Variants in CYP27C1 observed in about 807,000 individuals in gnomAD.
CYP27C1 encodes cytochrome P450 27C1.
In CYP27C1, 29 loss-of-function variants were observed where a neutral mutation model predicts 40.6. The observed-to-expected ratio is 0.71, with a 90% CI of 0.53 to 0.97. The LOEUF (loss-of-function observed/expected upper bound fraction) is 0.97. Ranked by LOEUF, CYP27C1 falls within the 50% of genes least tolerant of loss-of-function variation. The probability of loss-of-function intolerance (pLI) is 0.00; values close to 1 mark genes in which losing one functional copy is unlikely to be tolerated. For synonymous variants in CYP27C1, 198 were observed against 186.8 expected, an observed-to-expected ratio of 1.06 and a Z score of -0.49; for missense variants, 390 against 485.8, an observed-to-expected ratio of 0.80 and a Z score of 1.85.
rs1302196405 is a variant in CYP27C1 at position 127,183,873 on chromosome 2, C to T, written c.*3398G>A. 6.6e-6 allele frequency among the ~76,000 whole-genome samples: 1 copy of T among 152,180 alleles called. No individual in the cohort carries two copies. Among genetic ancestry groups the T allele is most frequent in the Non-Finnish European group, 1.5e-5 (1 of 68,036 alleles). ...ATCTTTTATTACGGAAATGTTCACA[C>T]GTACACAAAGTAGAGAGCATAATGT... On this transcript the variant is annotated 3_prime_UTR_variant, in exon 9 of 9. Transcript: ENST00000664447. The surrounding 1 kb of genome is among the most constrained non-coding windows in gnomAD (Gnocchi z 5.1).
In CYP27C1 at chr2:127,218,059, G is replaced by T. The variant is rs1281735934; in HGVS notation, c.282+1930C>A. Among the ~76,000 whole-genome samples, 3 of 152,186 alleles carry T rather than the reference G, an allele frequency of 2.0e-5. No homozygotes were observed. Among genetic ancestry groups the T allele is most frequent in the Non-Finnish European group, 4.4e-5 (3 of 68,038 alleles). ...TGAGAAGGCAGCAAGTGAGTCAGTT[G>T]TGACTCTCTGCTCCGTGCCCCAGGG... On this transcript the variant is annotated intron_variant, in intron 1 of 8. Transcript: ENST00000664447. This position sits in a 1 kb window ranked among gnomAD's most constrained non-coding sequence, Gnocchi z 6.0.
At chr2:127,206,172 G>A (rs1353300332) in intron 1 of CYP27C1, among the ~76,000 whole-genome samples, 82 bp from the exon 2 acceptor site, 1 of 152,358 alleles carries the variant, frequency 6.6e-6, no homozygotes, top group Non-Finnish European at 1.5e-5. Flanking sequence ...GTGTGCTAGA[G>A]GAGCAGAAAA....
At position 127,201,342 on chromosome 2, in the gene CYP27C1, AAG is replaced by A. The variant is rs1558929550; in HGVS notation, c.674-13_674-12del. On this transcript the variant is annotated splice_polypyrimidine_tract_variant and intron_variant, in intron 3 of 8. Coordinates refer to ENST00000664447, the MANE Select transcript of CYP27C1 (RefSeq NM_001367502.1). This position sits in a 1 kb window ranked among gnomAD's most constrained non-coding sequence, Gnocchi z 6.0. ...GGATGGTGGCCACTCCTAGACAGGA[AAG>A]AGAATTTGAAAACCCTCTTCTAGAT... 6.2e-7 allele frequency: 1 copy of A among 1,607,768 alleles called. No homozygotes were observed. Among genetic ancestry groups the A allele is most frequent in the East Asian group, 2.2e-5 (1 of 44,748 alleles).
chr2:127,204,555 G>GAGAAAGAAAGAAAGAA (rs1169099297), intron 2 of CYP27C1, among the ~76,000 whole-genome samples: 42 of 39,166 alleles, frequency 1.1e-3, no homozygotes, highest in South Asian at 4.4e-3. Context: ...GAGAGAGAGA[G>GAGAAAGAAAGAAAGAA]AGAAAGAAAG....
At chr2:127,192,629 G>GC (rs1278603710) in intron 8 of CYP27C1, among the ~76,000 whole-genome samples, 1 of 141,466 alleles carries the variant, frequency 7.1e-6, no homozygotes, top group Admixed American at 7.5e-5. Flanking sequence ...CGGGGGGGGG[G>GC]GCTGCTGCTG....
In CYP27C1 at chr2:127,193,134, C is replaced by T. The variant is rs771424479; in HGVS notation, c.1457G>A (p.Arg486Gln). ...FGHGVRSCIG[R>Q]RIAELEIHLV... Reference sequence around the variant, plus strand: ...GTGAATCTCCAGTTCTGCAATTCTCCGCCCTATGCAGCTGCGAACCCCATG... The same window carrying T: ...GTGAATCTCCAGTTCTGCAATTCTCTGCCCTATGCAGCTGCGAACCCCATG... Residue 486 changes from arginine to glutamine, a missense_variant, in exon 8 of 9, where the codon CGG becomes CAG. Arg to Gln is a conservative substitution (Grantham distance 43). Transcript: ENST00000664447. 8.7e-6 allele frequency: 14 copies of T among 1,614,062 alleles called. No individual in the cohort carries two copies. The East Asian group carries it at 1.3e-4, about 15-fold the overall frequency.
At position 127,196,518 on chromosome 2, in the gene CYP27C1, G is replaced by A. The variant is rs143270770; in HGVS notation, c.1048-1017C>T. Among the ~76,000 whole-genome samples the A allele has an allele frequency of 1.0e-3, 140 of 134,622 alleles. 1 individual carries two copies. In the East Asian group the frequency reaches 0.028, roughly 27 times the overall value. 88.3% of individuals were successfully genotyped at this position (134,622 alleles called of 152,430 possible). A position where few individuals can be genotyped will look rare whatever the true frequency, so the allele number is the denominator to read the frequency against. The stretch of plus-strand genomic sequence containing the variant: ...AACAAGGAAATGCCACAGTATAAAG[G>A]CCTTTCTCTTTCACCAAAAAAAAAA... On this transcript the variant is annotated intron_variant, in intron 5 of 8. Transcript: ENST00000664447. This position sits in a 1 kb window ranked among gnomAD's most constrained non-coding sequence, Gnocchi z 4.5.
In CYP27C1 at chr2:127,204,485, A is replaced by AAAGG. The variant is rs369842924; in HGVS notation, c.474-918_474-915dup. 9.8e-4 allele frequency among the ~76,000 whole-genome samples: 59 copies of AAAGG among 60,210 alleles called. 5 individuals are homozygous for AAAGG. Among genetic ancestry groups the AAAGG allele is most frequent in the Admixed American group, 1.4e-3 (6 of 4,332 alleles). 39.5% of individuals were successfully genotyped at this position (60,210 alleles called of 152,430 possible). A position where few individuals can be genotyped will look rare whatever the true frequency, so the allele number is the denominator to read the frequency against. On this transcript the variant is annotated intron_variant, in intron 2 of 8. Transcript: ENST00000664447. ...GAAAGAAAGAAAGAAAGAAAGAAAG[A>AAAGG]AAGGAAGGAAGGAAGGAAGGAAAGA...
chr2:127,217,469 T>C (rs1472841250), intron 1 of CYP27C1, among the ~76,000 whole-genome samples: 1 of 152,176 alleles, frequency 6.6e-6, no homozygotes, highest in Non-Finnish European at 1.5e-5. Context: ...TCATAACCCA[T>C]GAGAGGAATG....
At chr2:127,213,635 C>G (rs1231556105) in intron 1 of CYP27C1, among the ~76,000 whole-genome samples, 4 of 152,114 alleles carry the variant, frequency 2.6e-5, no homozygotes, top group Admixed American at 2.6e-4. Context: ...GAAACTGGAC[C>G]CCTTCCTTAC....
At chr2:127,193,667 A>G (rs1260991046) in intron 7 of CYP27C1, 122 bp downstream of exon 7, 62 of 1,049,244 alleles carry the variant, frequency 5.9e-5, no homozygotes, top group Non-Finnish European at 6.7e-5. Context: ...CTTAAAATAC[A>G]TGCAAAAGAA....
Position 127,211,369 on chromosome 2 carries a change from G to GTTTTT in CYP27C1, c.283-5284_283-5280dup, listed in dbSNP as rs371826841. 6.8e-4 allele frequency among the ~76,000 whole-genome samples: 65 copies of GTTTTT among 94,944 alleles called. 1 individual carries two copies. Among genetic ancestry groups the GTTTTT allele is most frequent in the African/African-American group, 9.0e-4 (21 of 23,296 alleles). The allele number at this position is 94,944 out of a possible 152,430, so 62.3% of individuals were successfully genotyped here. A position where few individuals can be genotyped will look rare whatever the true frequency, so the allele number is the denominator to read the frequency against. On this transcript the variant is annotated intron_variant, in intron 1 of 8. Transcript: ENST00000664447. ...GATACAGCTAAAGCAGTGTTTTTTT[G>GTTTTT]TTTTTTTTTTTTTTTTTTTTTTTTT...
intron 1 of CYP27C1, among the ~76,000 whole-genome samples, chr2:127,217,240 A>G (rs896711626): frequency 6.6e-6 from 1 of 152,324 alleles, no homozygotes; most frequent in East Asian, 1.9e-4. Context: ...TGTTAAGAGC[A>G]CAGACTCTGG....
At chr2:127,214,801 GTTT>G (rs70985439) in intron 1 of CYP27C1, among the ~76,000 whole-genome samples, 1 of 117,054 alleles carries the variant, frequency 8.5e-6, no homozygotes, top group Non-Finnish European at 1.7e-5. Context: ...TTTTTTTTTG[GTTT>G]TTTTTTTTTT....
intron 2 of CYP27C1, among the ~76,000 whole-genome samples, chr2:127,205,167 AACATCCAG>A (rs1683198147): frequency 3.9e-5 from 6 of 152,250 alleles, no homozygotes; most frequent in Admixed American, 3.9e-4. Context: ...TCTAGGCCTG[AACATCCAG>A]GAGGAGCTGT....
At chr2:127,211,468 C>T (rs1334471232) in intron 1 of CYP27C1, among the ~76,000 whole-genome samples, 3 of 149,408 alleles carry the variant, frequency 2.0e-5, no homozygotes, top group Non-Finnish European at 4.4e-5. Context: ...CTGCAAGCTC[C>T]GCCTCCCGGG....
intron 2 of CYP27C1, among the ~76,000 whole-genome samples, chr2:127,204,599 AAGAAAGAAAGAAAGAAAGAAAGAAAG>A (rs1683178237): frequency 1.0e-5 from 1 of 99,844 alleles, no homozygotes; most frequent in African/African-American, 4.1e-5. Flanking sequence ...GAAAGAAAGA[AAGAAAGAAAGAAAGAAAGAAAGAAAG>A]AAGACTGCAG....
chr2:127,187,476 G>T, intron 8 of CYP27C1, 89 bp from the exon 9 acceptor site: 1 of 1,148,232 alleles, frequency 8.7e-7, no homozygotes, highest in Non-Finnish European at 1.3e-6. Context: ...TCCTGTGGCG[G>T]CACTGGGCTG....
At chr2:127,202,557 A>G (rs1422035807) in intron 3 of CYP27C1, among the ~76,000 whole-genome samples, 2 of 152,234 alleles carry the variant, frequency 1.3e-5, no homozygotes, top group Non-Finnish European at 2.9e-5. Flanking sequence ...ATCTCTTGAC[A>G]TATACATGAG....
Sources: gnomAD v4.1 joint callset for allele counts (sites outside exome capture counted in the v4.1 genomes callset) on GRCh38, gnomAD v4.1.1 for gene constraint, Gnocchi (gnomAD v3.1) non-coding constraint, MANE v1.5 for transcripts, NCBI Gene and HGNC (gene_info 2026-07-23, HGNC 2026-07-21) for gene names.